CASQ2: variants seen among roughly 807,000 people sequenced by gnomAD.
CASQ2 encodes calsequestrin 2, also known as calsequestrin-2.
CASQ2 carries 49 observed loss-of-function variants against 46.5 expected under a neutral mutation model. The ratio of observed to expected loss-of-function variants is 1.05; its 90% CI spans 0.84 to 1.34. The LOEUF is 1.34. Ranked by LOEUF, CASQ2 falls within the 40% of genes most tolerant of loss-of-function variation. The probability of loss-of-function intolerance (pLI) is 0.00; values close to 1 mark genes in which losing one functional copy is unlikely to be tolerated. For missense variants in CASQ2, 486 were observed against 481.3 expected (o/e 1.01, Z -0.09); for synonymous variants, 174 against 168.5 (o/e 1.03, Z -0.25).
chr1:115,705,299 C>A lies in CASQ2; in HGVS notation c.839-7G>T. The A allele has an allele frequency of 6.2e-7, 1 of 1,601,668 alleles. No individual in the cohort carries two copies. Among genetic ancestry groups the A allele is most frequent in the Non-Finnish European group, 8.6e-7 (1 of 1,168,730 alleles). ...TCCAGGAATTCGTAGCCATCTGAAACAGGATTCAAGAGAGTTGAGTAACCC... is the reference window on the plus strand; with the variant it reads ...TCCAGGAATTCGTAGCCATCTGAAAAAGGATTCAAGAGAGTTGAGTAACCC... On this transcript the variant is annotated splice_region_variant and splice_polypyrimidine_tract_variant and intron_variant, in intron 8 of 10. Coordinates refer to ENST00000261448, the MANE Select transcript of CASQ2 (RefSeq NM_001232.4).
intron 4 of CASQ2, among the ~76,000 whole-genome samples, chr1:115,736,011 A>C (rs1241784015): frequency 1.3e-5 from 2 of 151,724 alleles, no homozygotes; most frequent in Non-Finnish European, 2.9e-5. Context: ...AAAATACAAA[A>C]AATTAGCCAG....
chr1:115,745,746 C>A (rs946930428), intron 1 of CASQ2, among the ~76,000 whole-genome samples: 3 of 151,972 alleles, frequency 2.0e-5, no homozygotes, highest in Non-Finnish European at 2.9e-5. Context: ...ATTAATACTA[C>A]TTTTTTTAGT....
rs537812218 is a variant in CASQ2 at position 115,702,843 on chromosome 1, C to T, written c.1014+78G>A. 3 of 1,114,076 alleles carry T rather than the reference C, an allele frequency of 2.7e-6. No individual in the cohort carries two copies. In the South Asian group the frequency reaches 3.9e-5, roughly 14 times the overall value. 69.0% of individuals were successfully genotyped at this position (1,114,076 alleles called of 1,614,324 possible). A position where few individuals can be genotyped will look rare whatever the true frequency, so the allele number is the denominator to read the frequency against. Reference sequence around the variant, plus strand: ...TGAAAAGGCTGGGCTACTATAGATGCTCTCACAATCTAAGCTGTGTAGCAG... The same window carrying T: ...TGAAAAGGCTGGGCTACTATAGATGTTCTCACAATCTAAGCTGTGTAGCAG... On this transcript the variant is annotated intron_variant, in intron 10 of 10. Coordinates refer to ENST00000261448, the MANE Select transcript of CASQ2 (RefSeq NM_001232.4).
At chr1:115,730,059 G>T (rs766372931) in intron 5 of CASQ2, among the ~76,000 whole-genome samples, 1 of 152,158 alleles carries the variant, frequency 6.6e-6, no homozygotes, top group African/African-American at 2.4e-5. Context: ...TTGGGCCTTC[G>T]TGTGGCTTGA....
At chr1:115,749,013 C>T (rs1034853610) in intron 1 of CASQ2, among the ~76,000 whole-genome samples, 6 of 152,158 alleles carry the variant, frequency 3.9e-5, no homozygotes, top group East Asian at 1.9e-4. Flanking sequence ...CACTACCACA[C>T]CCCATTATTC....
rs577889890 is a variant in CASQ2, at chr1:115,702,896, G to C, written c.1014+25C>G. The C allele has an allele frequency of 9.4e-5, 149 of 1,588,416 alleles. 2 individuals are homozygous for C. In the South Asian group the frequency reaches 1.6e-3, roughly 17 times the overall value. ...GACAGGGCAGGCCAAGGGTGCCTGA[G>C]CAAGCCTTCACAGGGGATACTCACA... On this transcript the variant is annotated intron_variant, in intron 10 of 10. Coordinates refer to ENST00000261448, the MANE Select transcript of CASQ2 (RefSeq NM_001232.4).
intron 10 of CASQ2, 95 bp from the exon 11 acceptor site, chr1:115,701,521 C>A (rs1028302259): frequency 2.5e-6 from 2 of 810,480 alleles, no homozygotes; most frequent in South Asian, 2.8e-5. Flanking sequence ...GAGTGCCCCC[C>A]GACTCTCTTA....
In CASQ2 at chr1:115,732,898, T is replaced by C; in HGVS notation, c.606+3A>G. ...TTCAAATTGGGGTTTCATAGGTACTTACCCCTTTGTCAAAGGTGGCAAAGA... is the reference window on the plus strand; with the variant it reads ...TTCAAATTGGGGTTTCATAGGTACTCACCCCTTTGTCAAAGGTGGCAAAGA... On this transcript the variant is annotated splice_donor_region_variant and intron_variant, in intron 5 of 10. Coordinates refer to ENST00000261448, the MANE Select transcript of CASQ2 (RefSeq NM_001232.4). 6.2e-7 allele frequency: 1 copy of C among 1,608,012 alleles called. No homozygotes were observed. Among genetic ancestry groups the C allele is most frequent in the Non-Finnish European group, 8.5e-7 (1 of 1,174,452 alleles).
chr1:115,708,544 T>C (rs912496099), intron 8 of CASQ2, among the ~76,000 whole-genome samples: 1 of 152,212 alleles, frequency 6.6e-6, no homozygotes, highest in African/African-American at 2.4e-5. Context: ...AGTTATTTAA[T>C]GTTTCTCTCC....
intron 10 of CASQ2, 97 bp from the exon 11 acceptor site, chr1:115,701,523 A>G (rs1654206172): frequency 3.9e-6 from 3 of 778,368 alleles, no homozygotes; most frequent in Non-Finnish European, 6.9e-6. Context: ...GTGCCCCCCG[A>G]CTCTCTTACA....
intron 7 of CASQ2, among the ~76,000 whole-genome samples, chr1:115,720,639 T>G (rs1430984885): frequency 6.6e-6 from 1 of 152,196 alleles, no homozygotes; most frequent in Non-Finnish European, 1.5e-5. Flanking sequence ...ATAAAGTAAC[T>G]GAGTGCAAGA....
At chr1:115,709,187 G>A (rs946484867) in intron 8 of CASQ2, among the ~76,000 whole-genome samples, 1 of 96,236 alleles carries the variant, frequency 1.0e-5, no homozygotes, top group Admixed American at 1.0e-4. Flanking sequence ...TAAGTTACAA[G>A]TTCAATTTTT....
At chr1:115,729,038 T>TC in intron 5 of CASQ2, among the ~76,000 whole-genome samples, 1 of 135,126 alleles carries the variant, frequency 7.4e-6, no homozygotes, top group Non-Finnish European at 1.6e-5. Flanking sequence ...TTTCATTCTT[T>TC]TTTTTTTTTT....
chr1:115,728,856 C>G (rs1647684255), intron 5 of CASQ2, among the ~76,000 whole-genome samples: 1 of 152,004 alleles, frequency 6.6e-6, no homozygotes, highest in South Asian at 2.1e-4. Flanking sequence ...AGTCTCGTCT[C>G]TGAATGCCAA....
At chr1:115,715,324 A>C (rs1654666920) in intron 8 of CASQ2, among the ~76,000 whole-genome samples, 1 of 152,190 alleles carries the variant, frequency 6.6e-6, no homozygotes. Context: ...AAGACAAGAG[A>C]GTGCTCAGAT....
At position 115,710,107 on chromosome 1, in the gene CASQ2, G is replaced by C. The variant is rs1308138810; in HGVS notation, c.839-4815C>G. 2.0e-5 allele frequency among the ~76,000 whole-genome samples: 3 copies of C among 152,188 alleles called. No individual in the cohort carries two copies. In the East Asian group the frequency reaches 5.8e-4, roughly 29 times the overall value. ...GATCCTCCCACCTCAGCCTCCCAGA[G>C]TACTGGGATTATAGGCGAAAGCCAC... On this transcript the variant is annotated intron_variant, in intron 8 of 10. Transcript: ENST00000261448.
At chr1:115,757,096 A>C (rs1648788680) in intron 1 of CASQ2, among the ~76,000 whole-genome samples, 1 of 152,236 alleles carries the variant, frequency 6.6e-6, no homozygotes, top group Non-Finnish European at 1.5e-5. Flanking sequence ...AATGGTCTAA[A>C]AACTTCTGAA....
Position 115,701,090 on chromosome 1 carries a change from G to C in CASQ2, c.*151C>G. The C allele has an allele frequency of 1.7e-6, 2 of 1,176,414 alleles. No homozygotes were observed. The highest frequency in any genetic ancestry group is 1.2e-5 in the South Asian group (1 of 81,296). The allele number at this position is 1,176,414 out of a possible 1,614,324, so 72.9% of individuals were successfully genotyped here. A position where few individuals can be genotyped will look rare whatever the true frequency, so the allele number is the denominator to read the frequency against. ...GAAAAGGCATTTGCTGAATGATGCT[G>C]CTCCTGACGCAAAGGGAGTGGGAAA... On this transcript the variant is annotated 3_prime_UTR_variant, in exon 11 of 11. Coordinates refer to ENST00000261448, the MANE Select transcript of CASQ2 (RefSeq NM_001232.4).
chr1:115,711,416 A>T (rs1291855762), intron 8 of CASQ2, among the ~76,000 whole-genome samples: 1 of 152,092 alleles, frequency 6.6e-6, no homozygotes, highest in Non-Finnish European at 1.5e-5. Context: ...TCCTCCTCTG[A>T]AAGTGGAGAG....
Sources: allele counts gnomAD v4.1 joint callset (sites outside exome capture counted in the v4.1 genomes callset), GRCh38; gene constraint gnomAD v4.1.1; transcripts MANE v1.5; gene names NCBI Gene and HGNC (gene_info 2026-07-23, HGNC 2026-07-21).